SGSH: variants seen among roughly 807,000 people sequenced by gnomAD.
The protein encoded by SGSH is heparan sulfate sulfatase.
A neutral mutation model predicts 51.0 loss-of-function variants in SGSH; 48 were observed. The observed-to-expected ratio is 0.94, with a 90% CI of 0.75 to 1.20. SGSH has a LOEUF of 1.20. SGSH is among the 50% of genes most tolerant of loss of function. The pLI, the probability that SGSH is intolerant of heterozygous loss-of-function variation, is 0.00. For missense variants in SGSH, 662 were observed against 717.8 expected (o/e 0.92, Z 0.89); for synonymous variants, 321 against 313.4 (o/e 1.02, Z -0.26).
At position 80,210,857 on chromosome 17, in the gene SGSH, GTGGTGGCTCTGGC is replaced by G. The variant is rs1567915763; in HGVS notation, c.1091_1103del (p.Ser364ThrfsTer45). 2 of 1,613,698 alleles carry G rather than the reference GTGGTGGCTCTGGC, an allele frequency of 1.2e-6. No individual in the cohort carries two copies. The highest frequency in any genetic ancestry group is 1.7e-6 in the Non-Finnish European group (2 of 1,180,024). On this transcript the variant is annotated frameshift_variant, in exon 8 of 8. Transcript: ENST00000326317. LOFTEE classifies it high-confidence loss of function. ...GCATGGGGTAGGACATGGTGACCTC[GTGGTGGCTCTGGC>G]TGCCAAAGACGGTGGCCCAGAGGGG...
At chr17:80,218,902 C>G (rs532472321) in intron 1 of SGSH, among the ~76,000 whole-genome samples, 1 of 152,018 alleles carries the variant, frequency 6.6e-6, no homozygotes, top group Non-Finnish European at 1.5e-5. Context: ...GTTTCATGCC[C>G]GTAAGCCCAG....
In SGSH at chr17:80,213,538, A is replaced by G; in HGVS notation, c.745+266T>C. On this transcript the variant is annotated intron_variant, in intron 6 of 7. Transcript: ENST00000326317. This position sits in a 1 kb window ranked among gnomAD's most constrained non-coding sequence, Gnocchi z 4.6. ...CCCCAAATCTGACCCAGGTCCTGTG[A>G]CTGGAAATATCTGAAGTCTTCACGC... The G allele has an allele frequency of 1.8e-6, 1 of 558,144 alleles. No individual in the cohort carries two copies. The highest frequency in any genetic ancestry group is 2.9e-5 in the East Asian group (1 of 33,910). 34.6% of individuals were successfully genotyped at this position (558,144 alleles called of 1,614,324 possible).
chr17:80,217,330 C>G, intron 1 of SGSH, 138 bp from the exon 2 acceptor site: 3 of 969,552 alleles, frequency 3.1e-6, no homozygotes, highest in Non-Finnish European at 4.8e-6. Flanking sequence ...TGTGAACACT[C>G]AGCGCGAAAT....
At chr17:80,203,595 C>T, downstream of SGSH, 1 of 481,298 alleles carries the variant, frequency 2.1e-6, no homozygotes. This position sits in a 1 kb window ranked among gnomAD's most constrained non-coding sequence, Gnocchi z 4.6. Context: ...AGTAAATCAG[C>T]ATCTCCAGGG....
chr17:80,202,240 A>G (rs1441557869), downstream of SGSH: 2 of 1,613,806 alleles, frequency 1.2e-6, no homozygotes, highest in African/African-American at 1.3e-5. Flanking sequence ...GACTCATTCT[A>G]CATCCGGGTC....
rs150508741 is a variant in SGSH, at chr17:80,214,177, C to G, written c.658G>C (p.Val220Leu). ...CACAGGAGGGGCCGTCCTACCAGCA[C>G]GTCCAGTGGGTCGTAGGCCTGGGGG... ...WTPQAYDPLD[V>L]LVPYFVPNTP... The change falls in exon 5 of 8, where the codon GTG becomes CTG. Residue 220 changes from valine (V) to leucine (L), a missense_variant. Transcript: ENST00000326317. 2.5e-5 allele frequency: 41 copies of G among 1,608,584 alleles called. No homozygotes were observed. Among genetic ancestry groups the G allele is most frequent in the Non-Finnish European group, 2.5e-5 (30 of 1,178,534 alleles).
chr17:80,204,390 G>A (rs4889997), downstream of SGSH: 705,280 of 1,485,298 alleles, frequency 0.47, 173,114 homozygotes, highest in East Asian at 0.55. Flanking sequence ...AAGTGGGTGA[G>A]GGGCTTTGGG....
At chr17:80,214,082 A>G (rs1368312830) in intron 5 of SGSH, 90 bp downstream of exon 5, 1 of 1,497,358 alleles carries the variant, frequency 6.7e-7, no homozygotes, top group Non-Finnish European at 9.1e-7. Context: ...TTTCTTCATC[A>G]TCTAGGGCCA....
At chr17:80,217,565 G>A (rs2041939224) in intron 1 of SGSH, among the ~76,000 whole-genome samples, 1 of 152,152 alleles carries the variant, frequency 6.6e-6, no homozygotes, top group African/African-American at 2.4e-5. Context: ...CAGGCAGGGT[G>A]CCCAGGCAGG....
At chr17:80,204,151 A>G (rs1194164628), downstream of SGSH, 3 of 1,429,752 alleles carry the variant, frequency 2.1e-6, no homozygotes, top group East Asian at 2.5e-5. Context: ...CCTAGTGCCA[A>G]TCATCTCCCC....
At chr17:80,218,478 A>G (rs1194371094) in intron 1 of SGSH, among the ~76,000 whole-genome samples, 1 of 152,142 alleles carries the variant, frequency 6.6e-6, no homozygotes, top group Non-Finnish European at 1.5e-5. Context: ...GCTGGTGGGA[A>G]CCCCCAGACC....
chr17:80,214,109 G>C lies in SGSH; in HGVS notation c.663+63C>G, dbSNP rs760487031. The C allele has an allele frequency of 1.9e-6, 3 of 1,552,830 alleles. No individual in the cohort carries two copies. The South Asian group carries it at 3.5e-5, about 18-fold the overall frequency. On this transcript the variant is annotated intron_variant, in intron 5 of 7. Transcript: ENST00000326317. Reference sequence around the variant, plus strand: ...CTAGGGCCAGGGCTGCAAGCTCGTAGGAGGCCAGGGTCCCCGACCCAGGGC... The same window carrying C: ...CTAGGGCCAGGGCTGCAAGCTCGTACGAGGCCAGGGTCCCCGACCCAGGGC...
chr17:80,211,857 C>T, intron 7 of SGSH: 1 of 605,908 alleles, frequency 1.7e-6, no homozygotes, highest in East Asian at 2.8e-5. Context: ...AGAATCCTAG[C>T]TTAGTGCTTA....
At chr17:80,202,442 G>C, downstream of SGSH, 1 of 1,604,052 alleles carries the variant, frequency 6.2e-7, no homozygotes, top group Non-Finnish European at 8.5e-7. Flanking sequence ...CCTCGAGCTC[G>C]GTGCGTCCCC....
downstream of SGSH, chr17:80,205,625 C>T: frequency 6.4e-7 from 1 of 1,567,958 alleles, no homozygotes; most frequent in Non-Finnish European, 8.7e-7. Context: ...GGGTGACCCG[C>T]CATGCTGTGG....
At chr17:80,219,962 A>G (rs766332984) in intron 1 of SGSH, 25 of 386,800 alleles carry the variant, frequency 6.5e-5, no homozygotes, top group Non-Finnish European at 1.1e-4. Context: ...GGGCAGGGTC[A>G]GAGGAGGGTG....
At chr17:80,211,660 G>A (rs1009805359) in intron 7 of SGSH, 13 of 336,518 alleles carry the variant, frequency 3.9e-5, no homozygotes, top group South Asian at 2.5e-5. Context: ...GGGGTCCCCA[G>A]GCCCACAGTA....
Position 80,212,329 on chromosome 17 carries a change from G to A in SGSH, c.746-55C>T, listed in dbSNP as rs776873379. ...AGCCGCAGACACGGAGGGAGGCAGCGGGTGGTGTGTGTAGACCCACCTGCT... is the reference window on the plus strand; with the variant it reads ...AGCCGCAGACACGGAGGGAGGCAGCAGGTGGTGTGTGTAGACCCACCTGCT... On this transcript the variant is annotated intron_variant, in intron 6 of 7. Transcript: ENST00000326317. The surrounding 1 kb of genome is among the most constrained non-coding windows in gnomAD (Gnocchi z 5.9). 1,271 of 1,491,442 alleles carry A rather than the reference G, an allele frequency of 8.5e-4. 1 individual carries two copies. Among genetic ancestry groups the A allele is most frequent in the Non-Finnish European group, 1.1e-3 (1,227 of 1,091,420 alleles). The allele number at this position is 1,491,442 out of a possible 1,614,324, so 92.4% of individuals were successfully genotyped here.
At chr17:80,202,162 C>A, downstream of SGSH, 2 of 1,598,454 alleles carry the variant, frequency 1.3e-6, no homozygotes, top group Non-Finnish European at 1.7e-6. Flanking sequence ...ATCTGTGGCT[C>A]ATGTCCCCTT....
Sources: gnomAD v4.1 joint callset for allele counts (sites outside exome capture counted in the v4.1 genomes callset) on GRCh38, gnomAD v4.1.1 for gene constraint, Gnocchi (gnomAD v3.1) non-coding constraint, MANE v1.5 for transcripts, NCBI Gene and HGNC (gene_info 2026-07-23, HGNC 2026-07-21) for gene names.